EIF2B3: variants seen among roughly 807,000 people sequenced by gnomAD.
EIF2B3 encodes the protein eukaryotic translation initiation factor 2B subunit gamma.
A neutral mutation model predicts 54.1 loss-of-function variants in EIF2B3; 20 were observed. The observed-to-expected ratio is 0.37, with a 90% confidence interval of 0.26 to 0.54. EIF2B3 has a LOEUF of 0.54. Ranked by LOEUF, EIF2B3 falls within the 20% of genes least tolerant of loss-of-function variation. The pLI, the probability that EIF2B3 is intolerant of heterozygous loss-of-function variation, is 0.86. For missense variants in EIF2B3, 448 were observed against 547.8 expected, an observed-to-expected ratio of 0.82 and a Z score of 1.82; for synonymous variants, 153 against 188.1, an observed-to-expected ratio of 0.81 and a Z score of 1.52.
chr1:44,962,528 A>C (rs1557706755), intron 3 of EIF2B3, among the ~76,000 whole-genome samples: 1 of 152,074 alleles, frequency 6.6e-6, no homozygotes, highest in Non-Finnish European at 1.5e-5. Context: ...CTCCCTCTTC[A>C]GCTTCCCAAG....
intron 5 of EIF2B3, among the ~76,000 whole-genome samples, chr1:44,911,557 A>G (rs1350920878): frequency 2.6e-5 from 4 of 152,206 alleles, no homozygotes; most frequent in Non-Finnish European, 5.9e-5. Context: ...TGTAATTACA[A>G]TTAAGGCAGT....
At chr1:44,953,075 T>C (rs1055944916) in intron 3 of EIF2B3, among the ~76,000 whole-genome samples, 80 of 151,902 alleles carry the variant, frequency 5.3e-4, no homozygotes, top group African/African-American at 1.8e-3. Flanking sequence ...TCCTCTCCTC[T>C]TTGGGATCAC....
At chr1:44,891,425 C>T (rs894581288) in intron 6 of EIF2B3, among the ~76,000 whole-genome samples, 3 of 152,224 alleles carry the variant, frequency 2.0e-5, no homozygotes, top group Admixed American at 1.3e-4. Context: ...CCGCACCCAG[C>T]TGACAGAATA....
chr1:44,935,625 G>A (rs1222814738), intron 4 of EIF2B3, among the ~76,000 whole-genome samples: 9 of 152,178 alleles, frequency 5.9e-5, no homozygotes, highest in Non-Finnish European at 1.3e-4. Flanking sequence ...TCAGCCTCCC[G>A]AGTAGCTGGG....
intron 6 of EIF2B3, 74 bp downstream of exon 6, chr1:44,897,281 G>A (rs1656002234): frequency 7.4e-6 from 8 of 1,084,170 alleles, no homozygotes; most frequent in Non-Finnish European, 1.1e-5. Flanking sequence ...AAATTATGAA[G>A]GTTTAAAATT....
chr1:44,940,139 G>C (rs1047016233), intron 4 of EIF2B3, among the ~76,000 whole-genome samples: 1 of 152,042 alleles, frequency 6.6e-6, no homozygotes, highest in Non-Finnish European at 1.5e-5. Flanking sequence ...TTAACCAAAC[G>C]TCCTAAAATA....
intron 4 of EIF2B3, among the ~76,000 whole-genome samples, chr1:44,927,708 T>C (rs1643866963): frequency 1.3e-5 from 2 of 152,212 alleles, no homozygotes. Context: ...ATTTCCTGTT[T>C]TGAGAGACTA....
At chr1:44,876,670 C>T (rs1163863911) in intron 8 of EIF2B3, among the ~76,000 whole-genome samples, 2 of 116,570 alleles carry the variant, frequency 1.7e-5, no homozygotes, top group Non-Finnish European at 1.7e-5. Flanking sequence ...CCCCTCTGCC[C>T]GGCCACGACC....
chr1:44,870,528 T>G (rs1300406795), intron 10 of EIF2B3, among the ~76,000 whole-genome samples: 2 of 152,226 alleles, frequency 1.3e-5, no homozygotes, highest in Non-Finnish European at 2.9e-5. Flanking sequence ...TTTTCTTATG[T>G]CTAAAATTGC....
At chr1:44,935,083 C>G (rs115082466) in intron 4 of EIF2B3, among the ~76,000 whole-genome samples, 1,850 of 152,296 alleles carry the variant, frequency 0.012, 16 homozygotes, top group Non-Finnish European at 0.019. Flanking sequence ...GGCCATATAA[C>G]TCTGAGAACT....
intron 4 of EIF2B3, among the ~76,000 whole-genome samples, chr1:44,928,500 G>A (rs934382220): frequency 7.2e-6 from 1 of 139,162 alleles, no homozygotes; most frequent in African/African-American, 2.7e-5. Context: ...AGGGCGCTTC[G>A]TTTTTTTTTT....
intron 3 of EIF2B3, among the ~76,000 whole-genome samples, chr1:44,960,544 C>G (rs139176799): frequency 0.011 from 1,618 of 151,932 alleles, 32 homozygotes; most frequent in African/African-American, 0.037. Context: ...GAGGCTGAGG[C>G]AGGAGAATGG....
chr1:44,960,501 A>T (rs1335838339), intron 3 of EIF2B3, among the ~76,000 whole-genome samples: 2 of 151,862 alleles, frequency 1.3e-5, no homozygotes, highest in Non-Finnish European at 2.9e-5. Context: ...TAGCCAGGCG[A>T]GGTGGCGGGC....
chr1:44,917,751 C>T (rs1261163316), intron 5 of EIF2B3, among the ~76,000 whole-genome samples: 1 of 92,908 alleles, frequency 1.1e-5, no homozygotes, highest in African/African-American at 3.6e-5. Context: ...CCACCAATAA[C>T]ACTCTTTTTT....
chr1:44,932,573 AAG>A (rs1309670982), intron 4 of EIF2B3: 2 of 152,222 alleles, frequency 1.3e-5, no homozygotes, highest in East Asian at 3.8e-4. Flanking sequence ...GAAAATTCCT[AAG>A]AGAGTAGATT....
intron 4 of EIF2B3, among the ~76,000 whole-genome samples, chr1:44,935,578 CA>C (rs1487781396): frequency 6.6e-6 from 1 of 152,186 alleles, no homozygotes; most frequent in African/African-American, 2.4e-5. Context: ...TGGCTCACTG[CA>C]ACCTCTGCCT....
rs565412618 is a variant in EIF2B3, at chr1:44,874,902, G to A, written c.1054-76C>T. 8.4e-6 allele frequency: 13 copies of A among 1,538,968 alleles called. No homozygotes were observed. The East Asian group carries it at 2.9e-4, about 35-fold the overall frequency. ...AACCACCCTCCAGATCCCTCAAGCT[G>A]GGATCTAATGGGATCTTTCCATAGA... On this transcript the variant is annotated intron_variant, in intron 9 of 11. Transcript: ENST00000360403.
intron 5 of EIF2B3, among the ~76,000 whole-genome samples, chr1:44,902,161 C>T (rs930825592): frequency 1.3e-5 from 2 of 152,200 alleles, no homozygotes; most frequent in African/African-American, 4.8e-5. Flanking sequence ...ACAGATCTGT[C>T]TGTCTGTCCT....
intron 3 of EIF2B3, among the ~76,000 whole-genome samples, chr1:44,974,423 G>A (rs61790634): frequency 0.081 from 12,185 of 150,202 alleles, 613 homozygotes; most frequent in Non-Finnish European, 0.11. Flanking sequence ...ACAGTGAGCC[G>A]TGATCGAGCC....
Sources: gnomAD v4.1 joint callset for allele counts (sites outside exome capture counted in the v4.1 genomes callset) on GRCh38, gnomAD v4.1.1 for gene constraint, MANE v1.5 for transcripts, NCBI Gene and HGNC (gene_info 2026-07-23, HGNC 2026-07-21) for gene names.